RNF220: variants seen among roughly 807,000 people sequenced by gnomAD.
RNF220 encodes the protein ring finger protein 220.
RNF220 carries 7 observed loss-of-function variants against 67.1 expected under a neutral mutation model. The ratio of observed to expected loss-of-function variants is 0.10; its 90% CI spans 0.06 to 0.20. RNF220 has a LOEUF of 0.20. Among genes scored for constraint, RNF220 ranks in the 10% least tolerant of loss-of-function variants. The pLI is 1.00. For missense variants in RNF220, 565 were observed against 740.3 expected (o/e 0.76, Z 2.75); for synonymous variants, 270 against 283.2 (o/e 0.95, Z 0.47).
intron 2 of RNF220, among the ~76,000 whole-genome samples, chr1:44,591,384 G>A (rs940525911): frequency 6.6e-6 from 1 of 152,248 alleles, no homozygotes; most frequent in African/African-American, 2.4e-5. Flanking sequence ...CAATGCCCTT[G>A]CAGGCCTTGC....
At chr1:44,464,733 A>C (rs763921652) in intron 2 of RNF220, among the ~76,000 whole-genome samples, 1 of 152,162 alleles carries the variant, frequency 6.6e-6, no homozygotes, top group Non-Finnish European at 1.5e-5. Flanking sequence ...TACCAAAATC[A>C]TTCTCTTACT....
chr1:44,487,672 AAATAAT>A (rs537638294), intron 2 of RNF220, among the ~76,000 whole-genome samples: 8,077 of 142,468 alleles, frequency 0.057, 740 homozygotes, highest in African/African-American at 0.2. Flanking sequence ...ATCTCTACTA[AAATAAT>A]AATAATAATA....
At chr1:44,452,581 A>G (rs986676256) in intron 2 of RNF220, among the ~76,000 whole-genome samples, 3 of 152,076 alleles carry the variant, frequency 2.0e-5, no homozygotes, top group African/African-American at 7.2e-5. Context: ...TAAATAAATA[A>G]TAAACCGTAT....
chr1:44,474,944 G>A (rs913115361), intron 2 of RNF220, among the ~76,000 whole-genome samples: 1 of 152,098 alleles, frequency 6.6e-6, no homozygotes, highest in Non-Finnish European at 1.5e-5. Context: ...CCATGGATAC[G>A]AAGGGACAAC....
At chr1:44,423,205 G>A (rs1326943407) in intron 2 of RNF220, among the ~76,000 whole-genome samples, 1 of 152,204 alleles carries the variant, frequency 6.6e-6, no homozygotes, top group Non-Finnish European at 1.5e-5. Flanking sequence ...GCTGATATCT[G>A]AAAATCAAGA....
At position 44,621,537 on chromosome 1, in the gene RNF220, C is replaced by T. The variant is rs1195713521; in HGVS notation, c.759-1205C>T. On this transcript the variant is annotated intron_variant, in intron 3 of 14. Transcript: ENST00000361799. This position sits in a 1 kb window ranked among gnomAD's most constrained non-coding sequence, Gnocchi z 4.8. ...TTTGACAATCAAAAATGTCTCCAGA[C>T]ATTGCTGGATGTCCCCTGTGCAGGT... Among the ~76,000 whole-genome samples the T allele has an allele frequency of 3.3e-5, 5 of 152,296 alleles. No homozygotes were observed. The highest frequency in any genetic ancestry group is 7.3e-5 in the Non-Finnish European group (5 of 68,034).
intron 2 of RNF220, among the ~76,000 whole-genome samples, chr1:44,476,617 T>C (rs1284900347): frequency 6.6e-6 from 1 of 152,134 alleles, no homozygotes; most frequent in Non-Finnish European, 1.5e-5. Context: ...AAGACTGTTA[T>C]TGAGACCTTG....
chr1:44,642,481 A>T (rs1263583007), intron 8 of RNF220, among the ~76,000 whole-genome samples: 1 of 152,194 alleles, frequency 6.6e-6, no homozygotes, highest in East Asian at 1.9e-4. Context: ...AGGAGCAGGC[A>T]TGTATATTGT....
chr1:44,540,089 C>A (rs1286529245), intron 2 of RNF220, among the ~76,000 whole-genome samples: 1 of 152,184 alleles, frequency 6.6e-6, no homozygotes, highest in African/African-American at 2.4e-5. Flanking sequence ...TTCTTCCACA[C>A]TGGCTTCAGC....
chr1:44,531,972 GC>G (rs1196326792), intron 2 of RNF220, among the ~76,000 whole-genome samples: 3 of 151,916 alleles, frequency 2.0e-5, no homozygotes, highest in African/African-American at 7.3e-5. Context: ...TCCTCTTTCT[GC>G]CCCCCTTTTT....
rs1643893427 is a variant in RNF220 at position 44,624,833 on chromosome 1, T to C, written c.805-1464T>C. 6.6e-6 allele frequency among the ~76,000 whole-genome samples: 1 copy of C among 152,178 alleles called. No homozygotes were observed. The highest frequency in any genetic ancestry group is 1.9e-4 in the East Asian group (1 of 5,192). ...AGATCTTATCGCTTACAATGATAAT[T>C]TTACCTTCCAAAAGGCCACTTTTAA... is the stretch of plus-strand genomic sequence containing the variant. On this transcript the variant is annotated intron_variant, in intron 4 of 14. Transcript: ENST00000361799. This position sits in a 1 kb window ranked among gnomAD's most constrained non-coding sequence, Gnocchi z 4.2.
At chr1:44,580,091 A>AAAAG (rs146197408) in intron 2 of RNF220, among the ~76,000 whole-genome samples, 80 of 151,364 alleles carry the variant, frequency 5.3e-4, no homozygotes, top group Non-Finnish European at 7.7e-4. Flanking sequence ...AAAGAAAAGA[A>AAAAG]AAAGAAAGAA....
intron 2 of RNF220, among the ~76,000 whole-genome samples, chr1:44,450,704 T>G (rs937482493): frequency 6.6e-6 from 1 of 152,208 alleles, no homozygotes; most frequent in African/African-American, 2.4e-5. Context: ...CACAATTTAT[T>G]TGGTTATTTT....
At chr1:44,478,231 C>T (rs1373134807) in intron 2 of RNF220, among the ~76,000 whole-genome samples, 1 of 152,086 alleles carries the variant, frequency 6.6e-6, no homozygotes, top group African/African-American at 2.4e-5. Context: ...CTCCCTGCCT[C>T]CGCCTCCCAA....
At chr1:44,608,424 G>A (rs1320249012) in intron 2 of RNF220, among the ~76,000 whole-genome samples, 2 of 152,184 alleles carry the variant, frequency 1.3e-5, no homozygotes, top group African/African-American at 2.4e-5. Context: ...GAGTGGGTAG[G>A]TAGGTAGGTA....
chr1:44,407,059 G>T (rs1223660049), intron 1 of RNF220, among the ~76,000 whole-genome samples: 1 of 152,200 alleles, frequency 6.6e-6, no homozygotes, highest in Non-Finnish European at 1.5e-5. Context: ...TTCCGGCCCT[G>T]AGCCAGGCGC....
intron 2 of RNF220, among the ~76,000 whole-genome samples, chr1:44,592,636 C>T (rs1253738391): frequency 6.6e-6 from 1 of 152,204 alleles, no homozygotes; most frequent in Non-Finnish European, 1.5e-5. Context: ...CTGCAAGTCC[C>T]TGTGCTTCAG....
intron 2 of RNF220, among the ~76,000 whole-genome samples, chr1:44,485,261 T>C (rs1211629857): frequency 2.6e-5 from 4 of 152,196 alleles, no homozygotes; most frequent in Admixed American, 6.5e-5. Flanking sequence ...AGGCAAATGC[T>C]CTAGACTATT....
chr1:44,415,182 A>G (rs759989151), intron 2 of RNF220, among the ~76,000 whole-genome samples: 9 of 151,586 alleles, frequency 5.9e-5, no homozygotes, highest in Non-Finnish European at 1.3e-4. Flanking sequence ...GGCTCCTGTC[A>G]TATGCCGACG....
Sources: gnomAD v4.1 joint callset for allele counts (sites outside exome capture counted in the v4.1 genomes callset) on GRCh38, gnomAD v4.1.1 for gene constraint, Gnocchi (gnomAD v3.1) non-coding constraint, MANE v1.5 for transcripts, NCBI Gene and HGNC (gene_info 2026-07-23, HGNC 2026-07-21) for gene names.